BRCA1: variants seen among roughly 807,000 people sequenced by gnomAD.
The protein encoded by BRCA1 is BRCA1 DNA repair associated.
Under a neutral mutation model 173.7 loss-of-function variants are expected in BRCA1, and 140 were observed. The ratio of observed to expected loss-of-function variants is 0.81; its 90% CI spans 0.70 to 0.93. The LOEUF is 0.93. BRCA1 is among the 40% of genes least tolerant of loss of function. BRCA1 has a pLI of 0.00. For synonymous variants in BRCA1, 662 were observed against 756.0 expected, an observed-to-expected ratio of 0.88 and a Z score of 2.04; for missense variants, 1,983 against 2,172.5, an observed-to-expected ratio of 0.91 and a Z score of 1.73.
intron 15 of BRCA1, among the ~76,000 whole-genome samples, chr17:43,070,007 C>T (rs2052314766): frequency 6.6e-6 from 1 of 152,168 alleles, no homozygotes; most frequent in Non-Finnish European, 1.5e-5. Flanking sequence ...AATCTCGGCT[C>T]ACCGCAACCT....
chr17:43,046,221 CCTTT>C (rs2050911110), intron 22 of BRCA1, among the ~76,000 whole-genome samples: 5 of 133,330 alleles, frequency 3.8e-5, no homozygotes, highest in South Asian at 2.3e-4. Flanking sequence ...CTGCACCTGG[CCTTT>C]TTTTTTTTTT....
chr17:43,152,496 G>A (rs1767883665), intron 1 of BRCA1, among the ~76,000 whole-genome samples: 1 of 152,062 alleles, frequency 6.6e-6, no homozygotes. Context: ...TGAGGTGGGT[G>A]GATCACGAGG....
rs1555589241 is a variant in BRCA1 at position 43,092,886 on chromosome 17, C to G, written c.2645G>C (p.Cys882Ser). 1 of 1,613,924 alleles carries G rather than the reference C, an allele frequency of 6.2e-7. No individual in the cohort carries two copies. The highest frequency in any genetic ancestry group is 1.1e-5 in the South Asian group (1 of 91,084). The change falls in exon 10 of 23, where the codon TGT becomes TCT. Residue 882 changes from cysteine (C) to serine (S), a missense_variant. Coordinates refer to ENST00000357654, the MANE Select transcript of BRCA1 (RefSeq NM_007294.4). ...CCCAGAGTGGGCAGAGAATGTTGCA[C>G]ATTCCTCTTCTGCATTTCCTGGATT... The part of the protein sequence containing the change: ...FSNPGNAEEE[C>S]ATFSAHSGSL...
chr17:43,065,101 A>T (rs566614279), intron 16 of BRCA1, among the ~76,000 whole-genome samples: 2 of 152,050 alleles, frequency 1.3e-5, no homozygotes, highest in Non-Finnish European at 2.9e-5. Context: ...AAGCGCTGGG[A>T]TTACAGGCCT....
intron 1 of BRCA1, among the ~76,000 whole-genome samples, chr17:43,143,646 T>C (rs1437977770): frequency 1.3e-5 from 2 of 151,802 alleles, no homozygotes; most frequent in African/African-American, 4.8e-5. Flanking sequence ...TATTAGTGAC[T>C]TTTTTTTTGA....
intron 2 of BRCA1, among the ~76,000 whole-genome samples, chr17:43,117,596 G>A (rs1179861314): frequency 6.6e-6 from 1 of 152,024 alleles, no homozygotes; most frequent in Non-Finnish European, 1.5e-5. Context: ...AAAACTAACT[G>A]GGCATGGTGG....
chr17:43,125,543 C>T (rs376274188), upstream of BRCA1: 7 of 311,436 alleles, frequency 2.2e-5, no homozygotes, highest in African/African-American at 1.1e-4. Context: ...GGATTGGCCA[C>T]CCAGTCTGCC....
rs2050835858 is a variant in BRCA1, at chr17:43,045,339, C to A, written c.*339G>T. 1 of 574,740 alleles carries A rather than the reference C, an allele frequency of 1.7e-6. No individual in the cohort carries two copies. The highest frequency in any genetic ancestry group is 3.6e-5 in the East Asian group (1 of 27,850). 35.6% of individuals were successfully genotyped at this position (574,740 alleles called of 1,614,324 possible). A position where few individuals can be genotyped will look rare whatever the true frequency, so the allele number is the denominator to read the frequency against. ...GGCCAAGCCACTCTGTGCTTCCAGC[C>A]CTAAGCCAACAACAGCCTGAATAGA... On this transcript the variant is annotated 3_prime_UTR_variant, in exon 23 of 23. Coordinates refer to ENST00000357654, the MANE Select transcript of BRCA1 (RefSeq NM_007294.4).
rs1445587138 is a variant in BRCA1, at chr17:43,151,849, T to C, written c.-20+18277A>G. Among the ~76,000 whole-genome samples, 9 of 152,352 alleles carry C rather than the reference T, an allele frequency of 5.9e-5. No homozygotes were observed. In the East Asian group the frequency reaches 1.7e-3, roughly 29 times the overall value. On this transcript the variant is annotated intron_variant, in intron 1 of 7. Coordinates refer to the BRCA1 transcript ENST00000634433. ...TGTTCAAGGTTGCAATGAGCTATGG[T>C]TGCACCACTGTACCTCAGCCTGGGT...
At chr17:43,099,982 AT>A in intron 6 of BRCA1, 102 bp from the exon 7 acceptor site, 1 of 915,804 alleles carries the variant, frequency 1.1e-6, no homozygotes, top group Non-Finnish European at 1.8e-6. Context: ...ATTGACCATC[AT>A]CAGTCAGCTA....
intron 16 of BRCA1, chr17:43,067,308 G>T: frequency 1.0e-5 from 2 of 195,758 alleles, no homozygotes; most frequent in Non-Finnish European, 2.0e-5. Context: ...AGGCTGGAAT[G>T]CAGTGGCATG....
upstream of BRCA1, among the ~76,000 whole-genome samples, chr17:43,126,998 G>A (rs1295455983): frequency 1.3e-5 from 2 of 152,178 alleles, no homozygotes; most frequent in African/African-American, 2.4e-5. Context: ...GGGTCCCCCA[G>A]CACTGCCGGC....
chr17:43,107,458 A>G lies in BRCA1; in HGVS notation c.135-925T>C, dbSNP rs148341992. 1.3e-3 allele frequency among the ~76,000 whole-genome samples: 191 copies of G among 145,794 alleles called. 1 individual carries two copies. The highest frequency in any genetic ancestry group is 4.1e-3 in the African/African-American group (161 of 39,160). ...GGTAGTGACACAATCTCAGCTCACT[A>G]CAACCTCCACCTCCTAGGCTCAAGC... On this transcript the variant is annotated intron_variant, in intron 3 of 22. Coordinates refer to ENST00000357654, the MANE Select transcript of BRCA1 (RefSeq NM_007294.4).
At chr17:43,114,565 C>A (rs2055179531) in intron 3 of BRCA1, among the ~76,000 whole-genome samples, 1 of 151,588 alleles carries the variant, frequency 6.6e-6, no homozygotes, top group African/African-American at 2.4e-5. Context: ...ATTCATAAAC[C>A]CCAAGTTAAG....
At chr17:43,048,436 A>C (rs2051033073) in intron 21 of BRCA1, among the ~76,000 whole-genome samples, 1 of 150,166 alleles carries the variant, frequency 6.7e-6, no homozygotes, top group Non-Finnish European at 1.5e-5. Flanking sequence ...CGATCTCTTG[A>C]CCTCGTGATC....
chr17:43,099,956 A>G (rs2054312413), intron 6 of BRCA1, 76 bp from the exon 7 acceptor site: 7 of 1,124,998 alleles, frequency 6.2e-6, no homozygotes, highest in Middle Eastern at 2.0e-4. Context: ...GAAACTTGAC[A>G]CCATGGACAA....
At chr17:43,163,274 A>C (rs2056247762) in intron 1 of BRCA1, 1 of 152,218 alleles carries the variant, frequency 6.6e-6, no homozygotes. Flanking sequence ...GTATGGGTTA[A>C]AACTCCAACT....
At chr17:43,142,990 ATGTATATATGTATATATG>A (rs1235846510) in intron 1 of BRCA1, among the ~76,000 whole-genome samples, 2 of 148,154 alleles carry the variant, frequency 1.3e-5, no homozygotes, top group African/African-American at 5.0e-5. Flanking sequence ...GTATATATAT[ATGTATATATGTATATATG>A]TGTGCATATA....
chr17:43,126,897 C>T (rs369217270), upstream of BRCA1, among the ~76,000 whole-genome samples: 224 of 152,226 alleles, frequency 1.5e-3, 1 homozygote, highest in African/African-American at 5.1e-3. Flanking sequence ...AGCGCGAGTT[C>T]CAGGTGGGCG....
Sources: gnomAD v4.1 joint callset for allele counts (sites outside exome capture counted in the v4.1 genomes callset) on GRCh38, gnomAD v4.1.1 for gene constraint, MANE v1.5 for transcripts, NCBI Gene and HGNC (gene_info 2026-07-23, HGNC 2026-07-21) for gene names.